Variants in LARP1B observed in about 807,000 individuals in gnomAD.
LARP1B encodes La ribonucleoprotein 1B, also known as la-related protein 1B.
LARP1B carries 76 observed loss-of-function variants against 114.2 expected under a neutral mutation model. The ratio of observed to expected loss-of-function variants is 0.67; its 90% CI spans 0.55 to 0.81. The LOEUF is 0.81. Ranked by LOEUF, LARP1B falls within the 30% of genes least tolerant of loss-of-function variation. The pLI is 0.00. For missense variants in LARP1B, 1,014 were observed against 1,075.8 expected (o/e 0.94, Z 0.80); for synonymous variants, 345 against 348.0 (o/e 0.99, Z 0.10).
At chr4:128,071,709 A>T (rs545466021) in intron 1 of LARP1B, among the ~76,000 whole-genome samples, 7 of 152,302 alleles carry the variant, frequency 4.6e-5, no homozygotes, top group Non-Finnish European at 1.0e-4. Context: ...GGCATGAGCC[A>T]CCGCGCCTGG....
chr4:128,141,014 T>C (rs1451575020), intron 11 of LARP1B, among the ~76,000 whole-genome samples: 1 of 151,956 alleles, frequency 6.6e-6, no homozygotes, highest in Non-Finnish European at 1.5e-5. Flanking sequence ...TGGAGTTTCA[T>C]CATCTTGGCC....
rs1272814633 is a variant in LARP1B at position 128,199,490 on chromosome 4, A to T, written c.2055A>T (p.Gly685=). Reference sequence around the variant, plus strand: ...GCGCACCACTAGCAGGAAGTTATGGATGTACTCCTCATTCATTCCCAAAGT... The same window carrying T: ...GCGCACCACTAGCAGGAAGTTATGGTTGTACTCCTCATTCATTCCCAAAGT... ...SEGAPLAGSY[G]CTPHSFPKFQ... is the part of the protein sequence containing the mutation. Residue 685 remains glycine, a synonymous_variant, in exon 16 of 20, where the codon GGA becomes GGT. Transcript: ENST00000326639. 1 of 1,604,280 alleles carries T rather than the reference A, an allele frequency of 6.2e-7. No homozygotes were observed. The highest frequency in any genetic ancestry group is 8.5e-7 in the Non-Finnish European group (1 of 1,174,730).
Position 128,077,083 on chromosome 4 carries a change from G to C in LARP1B, c.43-705G>C, listed in dbSNP as rs574449370. On this transcript the variant is annotated intron_variant, in intron 3 of 19. Coordinates refer to ENST00000326639, the MANE Select transcript of LARP1B (RefSeq NM_018078.4). ...AAATATTTTAGCCATTCTAATAAAT[G>C]AGGAGTGGTATCCCATTGCAGTTTT... Among the ~76,000 whole-genome samples the C allele has an allele frequency of 8.5e-5, 13 of 152,232 alleles. No individual in the cohort carries two copies. The South Asian group carries it at 1.2e-3, about 15-fold the overall frequency.
intron 8 of LARP1B, among the ~76,000 whole-genome samples, chr4:128,101,813 T>C (rs1404646705): frequency 6.6e-6 from 1 of 152,154 alleles, no homozygotes; most frequent in Admixed American, 6.5e-5. Flanking sequence ...GCCATTGTGC[T>C]ATAGCAAAGT....
chr4:128,149,995 A>C (rs561290375), intron 11 of LARP1B, among the ~76,000 whole-genome samples: 1 of 152,182 alleles, frequency 6.6e-6, no homozygotes, highest in Non-Finnish European at 1.5e-5. Context: ...TACTAAAAAT[A>C]CAAAAATTAG....
chr4:128,070,494 C>G (rs1196753157), intron 1 of LARP1B, among the ~76,000 whole-genome samples: 1 of 151,640 alleles, frequency 6.6e-6, no homozygotes, highest in Non-Finnish European at 1.5e-5. Context: ...AACCCTCTCT[C>G]TACTAAAAAT....
chr4:128,121,658 A>G (rs1387679582), intron 10 of LARP1B, among the ~76,000 whole-genome samples, 168 bp from the exon 11 acceptor site: 1 of 152,188 alleles, frequency 6.6e-6, no homozygotes, highest in Non-Finnish European at 1.5e-5. Context: ...TTAGTCTTAA[A>G]TTTACTGGGC....
intron 1 of LARP1B, among the ~76,000 whole-genome samples, chr4:128,071,706 G>A (rs1000936465): frequency 2.0e-5 from 3 of 152,162 alleles, no homozygotes; most frequent in Admixed American, 6.6e-5. Flanking sequence ...ACAGGCATGA[G>A]CCACCGCGCC....
intron 1 of LARP1B, among the ~76,000 whole-genome samples, chr4:128,065,841 GTAGA>G (rs572587135): frequency 1.3e-5 from 2 of 151,824 alleles, no homozygotes; most frequent in African/African-American, 4.8e-5. Context: ...ATTTAAATAG[GTAGA>G]TAGATTGTCA....
intron 11 of LARP1B, among the ~76,000 whole-genome samples, chr4:128,126,303 TG>T (rs1789596896): frequency 6.6e-6 from 1 of 151,640 alleles, no homozygotes; most frequent in Non-Finnish European, 1.5e-5. Context: ...TTATGTTTTT[TG>T]TAGAGATGGG....
intron 10 of LARP1B, among the ~76,000 whole-genome samples, chr4:128,115,551 A>G (rs1247297886): frequency 6.6e-6 from 1 of 152,204 alleles, no homozygotes; most frequent in Non-Finnish European, 1.5e-5. Context: ...AGGGAGGGTG[A>G]CAAAGTGAGA....
At chr4:128,078,578 G>A (rs1469878321) in intron 4 of LARP1B, among the ~76,000 whole-genome samples, 1 of 151,668 alleles carries the variant, frequency 6.6e-6, no homozygotes, top group South Asian at 2.1e-4. Context: ...TCCAGCCTGG[G>A]CGGCAGTGCA....
chr4:128,176,806 A>C lies in LARP1B; in HGVS notation c.1649-66A>C. On this transcript the variant is annotated intron_variant, in intron 12 of 19. Coordinates refer to ENST00000326639, the MANE Select transcript of LARP1B (RefSeq NM_018078.4). ...TAAGAAAATAAATTTTAATTTAATA[A>C]ATGAAACAATAAATGGATAAAATGC... 3 of 1,437,062 alleles carry C rather than the reference A, an allele frequency of 2.1e-6. No homozygotes were observed. The South Asian group carries it at 3.5e-5, about 17-fold the overall frequency. The allele number at this position is 1,437,062 out of a possible 1,614,324, so 89.0% of individuals were successfully genotyped here. A position where few individuals can be genotyped will look rare whatever the true frequency, so the allele number is the denominator to read the frequency against.
chr4:128,135,116 A>C (rs1435424338), intron 11 of LARP1B, among the ~76,000 whole-genome samples: 1 of 149,852 alleles, frequency 6.7e-6, no homozygotes, highest in Admixed American at 6.7e-5. Flanking sequence ...TAAATAAATA[A>C]ATAAATAAAT....
chr4:128,077,836 GA>G lies in LARP1B; in HGVS notation c.96del (p.Glu33LysfsTer20). ...AAATAAAAAGCCACAAAATAGAAAA[GA>G]AAAAGAAGAGAAGGTTGAAAAGAGA... Reference protein sequence around the residue: ...QGNKKPQNRKEKEEKVEKRSN... With the variant: ...QGNKKPQNRKXKEEKVEKRSN... On this transcript the variant is annotated frameshift_variant, in exon 4 of 20. Transcript: ENST00000326639. LOFTEE classifies it high-confidence loss of function. 2.5e-6 allele frequency: 4 copies of G among 1,607,806 alleles called. No homozygotes were observed. Among genetic ancestry groups the G allele is most frequent in the Non-Finnish European group, 3.4e-6 (4 of 1,178,088 alleles).
intron 15 of LARP1B, among the ~76,000 whole-genome samples, chr4:128,193,335 T>G (rs1752893055): frequency 6.6e-6 from 1 of 152,208 alleles, no homozygotes; most frequent in Non-Finnish European, 1.5e-5. Flanking sequence ...ATTTCTTTAG[T>G]AGGTTCGTAA....
rs150273708 is a variant in LARP1B at position 128,206,822 on chromosome 4, A to G, written c.2419+285A>G. 6.0e-5 allele frequency: 59 copies of G among 985,438 alleles called. No individual in the cohort carries two copies. The East Asian group carries it at 1.8e-3, about 30-fold the overall frequency. 61.0% of individuals were successfully genotyped at this position (985,438 alleles called of 1,614,324 possible). ...CTCACTGATGTTCCGTTACATGAAA[A>G]TTCTATGCAACATCAGCAGGTAAGC... On this transcript the variant is annotated intron_variant, in intron 18 of 19. Transcript: ENST00000326639.
chr4:128,214,393 A>C (rs905104181), downstream of LARP1B, among the ~76,000 whole-genome samples: 2 of 147,280 alleles, frequency 1.4e-5, no homozygotes, highest in African/African-American at 5.0e-5. Context: ...CTGCAGACTT[A>C]AGTGTCCCTG....
At chr4:128,071,185 T>C (rs1332860695) in intron 1 of LARP1B, among the ~76,000 whole-genome samples, 1 of 151,844 alleles carries the variant, frequency 6.6e-6, no homozygotes, top group Non-Finnish European at 1.5e-5. Context: ...TAGCTGGGAC[T>C]ACAGGCGCCC....
Sources: allele counts gnomAD v4.1 joint callset (sites outside exome capture counted in the v4.1 genomes callset), GRCh38; gene constraint gnomAD v4.1.1; transcripts MANE v1.5; gene names NCBI Gene and HGNC (gene_info 2026-07-23, HGNC 2026-07-21).